The following RABGEF1 variants were observed in gnomAD, a reference collection of about 807,000 sequenced individuals.
RABGEF1 encodes the protein rab5 GDP/GTP exchange factor.
Under a neutral mutation model 57.3 loss-of-function variants are expected in RABGEF1, and 26 were observed. That is an observed-to-expected ratio of 0.45 (90% CI 0.33 to 0.63). The LOEUF is 0.63. Ranked by LOEUF, RABGEF1 falls within the 20% of genes least tolerant of loss-of-function variation. The pLI, the probability that RABGEF1 is intolerant of heterozygous loss-of-function variation, is 0.02. For missense variants in RABGEF1, 464 were observed against 607.6 expected, an observed-to-expected ratio of 0.76 and a Z score of 2.48; for synonymous variants, 185 against 210.7, an observed-to-expected ratio of 0.88 and a Z score of 1.06.
At chr7:66,732,143 C>T (rs1160869438) in intron 2 of RABGEF1, among the ~76,000 whole-genome samples, 8 of 152,230 alleles carry the variant, frequency 5.3e-5, no homozygotes, top group Non-Finnish European at 1.2e-4. Flanking sequence ...GGCCACCGCC[C>T]TCTCTTCCTA....
intron 2 of RABGEF1, among the ~76,000 whole-genome samples, chr7:66,733,804 A>G (rs2117684179): frequency 6.6e-6 from 1 of 152,224 alleles, no homozygotes; most frequent in East Asian, 1.9e-4. Context: ...GGAGTTTGAG[A>G]CCAGCCCAGT....
chr7:66,730,547 GTTTC>G (rs1562746473), intron 2 of RABGEF1, among the ~76,000 whole-genome samples: 1 of 149,272 alleles, frequency 6.7e-6, no homozygotes, highest in Non-Finnish European at 1.5e-5. Flanking sequence ...ATAGCACTTG[GTTTC>G]TTTTTCTTTT....
chr7:66,731,448 G>A (rs10266166), intron 2 of RABGEF1, among the ~76,000 whole-genome samples: 4,723 of 152,216 alleles, frequency 0.031, 236 homozygotes, highest in African/African-American at 0.11. Flanking sequence ...TGTGCATGAT[G>A]GCTCACACCT....
chr7:66,723,228 C>T (rs1796240418), intron 2 of RABGEF1, among the ~76,000 whole-genome samples: 1 of 152,060 alleles, frequency 6.6e-6, no homozygotes, highest in Admixed American at 6.6e-5. Context: ...CTCAGCCTCC[C>T]AAAGTGCTGG....
chr7:66,746,596 C>T (rs1292300113), intron 1 of RABGEF1, among the ~76,000 whole-genome samples: 1 of 141,114 alleles, frequency 7.1e-6, no homozygotes, highest in Non-Finnish European at 1.5e-5. Flanking sequence ...GCAGGAAGTG[C>T]AATTTTTATT....
chr7:66,741,413 G>C (rs2129047919), intron 1 of RABGEF1, among the ~76,000 whole-genome samples: 1 of 152,304 alleles, frequency 6.6e-6, no homozygotes, highest in South Asian at 2.1e-4. Flanking sequence ...CCCTGCTTCC[G>C]AACCGTCTGG....
At chr7:66,767,447 C>T (rs942212067) in intron 1 of RABGEF1, among the ~76,000 whole-genome samples, 5 of 152,184 alleles carry the variant, frequency 3.3e-5, no homozygotes, top group African/African-American at 4.8e-5. Flanking sequence ...AAAACTTTCT[C>T]GTGCTAATCC....
At chr7:66,671,870 G>A in the RABGEF1 span, among the ~76,000 whole-genome samples, 1 of 149,820 alleles carries the variant, frequency 6.7e-6, no homozygotes, top group African/African-American at 2.5e-5. Flanking sequence ...CAAGCTGAGT[G>A]CAGTGGCATG....
chr7:66,694,173 C>T (rs1791976590), intron 1 of RABGEF1, among the ~76,000 whole-genome samples: 1 of 152,218 alleles, frequency 6.6e-6, no homozygotes, highest in African/African-American at 2.4e-5. Flanking sequence ...GGATCAGGCA[C>T]ATCCTTGCTC....
At chr7:66,727,545 A>G (rs1348437995) in intron 2 of RABGEF1, among the ~76,000 whole-genome samples, 1 of 152,218 alleles carries the variant, frequency 6.6e-6, no homozygotes, top group Non-Finnish European at 1.5e-5. Flanking sequence ...ACCTGGGTGG[A>G]CCCAGCTTGG....
chr7:66,663,429 T>C, the RABGEF1 span, among the ~76,000 whole-genome samples: 2 of 152,070 alleles, frequency 1.3e-5, no homozygotes, highest in Admixed American at 1.3e-4. Flanking sequence ...AATACCATAA[T>C]TGGCTGGGCG....
chr7:66,727,977 C>T (rs1368889922), intron 2 of RABGEF1, among the ~76,000 whole-genome samples: 1 of 152,196 alleles, frequency 6.6e-6, no homozygotes, highest in Non-Finnish European at 1.5e-5. Flanking sequence ...TCATCCTCCC[C>T]TCTCCTGACA....
chr7:66,756,676 C>T (rs987409588), intron 1 of RABGEF1, among the ~76,000 whole-genome samples: 1 of 151,974 alleles, frequency 6.6e-6, no homozygotes, highest in African/African-American at 2.4e-5. Flanking sequence ...TTCTGACTTT[C>T]CCTGCAGTTT....
chr7:66,692,078 CAA>C (rs935469765), intron 1 of RABGEF1, among the ~76,000 whole-genome samples: 4 of 128,664 alleles, frequency 3.1e-5, no homozygotes, highest in African/African-American at 1.0e-4. Context: ...AACAAACAAA[CAA>C]ATAAATAAAT....
chr7:66,742,024 A>C (rs767815406), intron 1 of RABGEF1, among the ~76,000 whole-genome samples: 3 of 151,702 alleles, frequency 2.0e-5, no homozygotes. Flanking sequence ...CGTGGCGGGC[A>C]CCTGTAGTCC....
intron 1 of RABGEF1, among the ~76,000 whole-genome samples, chr7:66,761,514 C>T (rs1168020607): frequency 1.3e-5 from 2 of 152,246 alleles, no homozygotes; most frequent in South Asian, 2.1e-4. Context: ...TCCATGCCTT[C>T]CCTGGGTGCA....
At chr7:66,740,570 C>T (rs1798662072), upstream of RABGEF1, 1 of 152,500 alleles carries the variant, frequency 6.6e-6, no homozygotes, top group South Asian at 2.1e-4. Context: ...GGGCGGTACC[C>T]CACTCCGCTC....
At chr7:66,668,176 C>T in the RABGEF1 span, among the ~76,000 whole-genome samples, 1 of 152,204 alleles carries the variant, frequency 6.6e-6, no homozygotes, top group African/African-American at 2.4e-5. Context: ...TAGCTCACTG[C>T]AACCTTGAAC....
chr7:66,717,226 C>G (rs1464640770), intron 2 of RABGEF1, among the ~76,000 whole-genome samples: 1 of 152,098 alleles, frequency 6.6e-6, no homozygotes, highest in Non-Finnish European at 1.5e-5. Context: ...CTAAGAATTA[C>G]AGTATGTACA....
Sources: allele counts gnomAD v4.1 joint callset (sites outside exome capture counted in the v4.1 genomes callset), GRCh38; gene constraint gnomAD v4.1.1; transcripts MANE v1.5; gene names NCBI Gene and HGNC (gene_info 2026-07-23, HGNC 2026-07-21).